CRYBG1: variants seen among roughly 807,000 people sequenced by gnomAD.
CRYBG1 encodes the protein beta/gamma crystallin domain-containing protein 1.
CRYBG1 carries 139 observed loss-of-function variants against 189.2 expected under a neutral mutation model. The ratio of observed to expected loss-of-function variants is 0.73; its 90% confidence interval spans 0.64 to 0.85. CRYBG1 has a LOEUF of 0.85. CRYBG1 is among the 40% of genes least tolerant of loss of function. The probability of loss-of-function intolerance (pLI) is 0.00; values close to 1 mark genes in which losing one functional copy is unlikely to be tolerated. For missense variants in CRYBG1, 2,611 were observed against 2,675.8 expected, an observed-to-expected ratio of 0.98 and a Z score of 0.53; for synonymous variants, 1,023 against 1,017.1, an observed-to-expected ratio of 1.01 and a Z score of -0.11.
At chr6:106,557,074 A>AT (rs1261031053) in intron 17 of CRYBG1, among the ~76,000 whole-genome samples, 2 of 152,230 alleles carry the variant, frequency 1.3e-5, no homozygotes, top group Admixed American at 1.3e-4. Context: ...TGAAGACTAC[A>AT]TATCTTTGTG....
rs140770474 is a variant in CRYBG1, at chr6:106,502,750, T to C, written c.313-8680T>C. Among the ~76,000 whole-genome samples the C allele has an allele frequency of 1.6e-4, 24 of 152,254 alleles. No individual in the cohort carries two copies. In the East Asian group the frequency reaches 4.1e-3, roughly 26 times the overall value. Reference sequence around the variant, plus strand: ...GGAAACATATAGCACACTCAAGTTGTGTAATTAAGGAAAGTAGTGAAGGAC... The same window carrying C: ...GGAAACATATAGCACACTCAAGTTGCGTAATTAAGGAAAGTAGTGAAGGAC... On this transcript the variant is annotated intron_variant, in intron 2 of 21. Coordinates refer to ENST00000633556, the MANE Select transcript of CRYBG1 (RefSeq NM_001371242.2).
At position 106,539,471 on chromosome 6, in the gene CRYBG1, A is replaced by T; in HGVS notation, c.4787A>T (p.Asp1596Val). ...PFILEPGEYP[D>V]LSFWDTEEAY... ...ATCCTGGAACCTGGTGAATACCCTG[A>T]CTTGTCCTTCTGGGATACAGAAGAA... is the stretch of plus-strand genomic sequence containing the variant. Residue 1596 changes from aspartate (D) to valine (V), a missense_variant, in exon 9 of 22, where the codon GAC (aspartate) becomes GTC (valine). Transcript: ENST00000633556. The T allele has an allele frequency of 6.2e-7, 1 of 1,613,926 alleles. No individual in the cohort carries two copies. The highest frequency in any genetic ancestry group is 8.5e-7 in the Non-Finnish European group (1 of 1,179,908).
chr6:106,557,561 C>T (rs1386680125), intron 17 of CRYBG1, among the ~76,000 whole-genome samples: 3 of 152,148 alleles, frequency 2.0e-5, no homozygotes, highest in Non-Finnish European at 2.9e-5. Context: ...CAAGCATGCA[C>T]CACCATGCCC....
chr6:106,488,217 G>A (rs894646145), intron 2 of CRYBG1, among the ~76,000 whole-genome samples: 1 of 152,110 alleles, frequency 6.6e-6, no homozygotes, highest in African/African-American at 2.4e-5. Flanking sequence ...CAGATTATGT[G>A]GTGGGCTCTC....
rs535857987 is a variant in CRYBG1, at chr6:106,470,544, C to A, written c.312+18712C>A. Among the ~76,000 whole-genome samples the A allele has an allele frequency of 6.7e-4, 102 of 152,052 alleles. No individual in the cohort carries two copies. The Middle Eastern group carries it at 0.014, about 20-fold the overall frequency. On this transcript the variant is annotated intron_variant, in intron 2 of 21. Coordinates refer to ENST00000633556, the MANE Select transcript of CRYBG1 (RefSeq NM_001371242.2). ...CCAATATTGCACCACTGCATTCCAG[C>A]CTGGGTGACAGAGCAAGGCTTCATC...
intron 2 of CRYBG1, among the ~76,000 whole-genome samples, chr6:106,490,388 A>G (rs1483461801): frequency 6.6e-6 from 1 of 152,256 alleles, no homozygotes; most frequent in Non-Finnish European, 1.5e-5. Flanking sequence ...AGGCTATGAA[A>G]GAGGAACTAA....
At chr6:106,507,517 G>T (rs1420290300) in intron 2 of CRYBG1, among the ~76,000 whole-genome samples, 2 of 152,142 alleles carry the variant, frequency 1.3e-5, no homozygotes, top group African/African-American at 4.8e-5. Context: ...AAACTTGATG[G>T]TCACTCATGG....
chr6:106,375,553 A>G (rs1026222643), intron 1 of CRYBG1, among the ~76,000 whole-genome samples: 1 of 152,170 alleles, frequency 6.6e-6, no homozygotes, highest in East Asian at 1.9e-4. Context: ...TGTTCATCTC[A>G]TGAGTCGGAT....
At chr6:106,406,837 C>T (rs963490349) in intron 1 of CRYBG1, among the ~76,000 whole-genome samples, 11 of 152,084 alleles carry the variant, frequency 7.2e-5, no homozygotes, top group South Asian at 4.1e-4. Flanking sequence ...AAGCAAATGC[C>T]GAGATATTTT....
At chr6:106,390,355 T>A (rs937833711) in intron 1 of CRYBG1, among the ~76,000 whole-genome samples, 2 of 152,112 alleles carry the variant, frequency 1.3e-5, no homozygotes, top group Non-Finnish European at 2.9e-5. Context: ...AGCAGTGACA[T>A]GTTATAATAA....
At chr6:106,416,599 T>C (rs1341043833) in intron 1 of CRYBG1, among the ~76,000 whole-genome samples, 1 of 152,262 alleles carries the variant, frequency 6.6e-6, no homozygotes, top group East Asian at 1.9e-4. Context: ...AATGTAGAGC[T>C]TTGGCTGAAA....
rs758138078 is a variant in CRYBG1 at position 106,512,561 on chromosome 6, G to T, written c.1444G>T (p.Ala482Ser). The change falls in exon 3 of 22, where the codon GCG (alanine) becomes TCG (serine). Residue 482 changes from alanine (A) to serine (S), a missense_variant. This residue lies in a region of CRYBG1 where 985 missense variants were observed against 924.4 expected (regional missense o/e 1.07). Coordinates refer to ENST00000633556, the MANE Select transcript of CRYBG1 (RefSeq NM_001371242.2). ...CCTCGACGGGGGCGTTGCCTCCGCT[G>T]CGAGCCCAGAGTCCAAGCCCAGCCC... Reference protein sequence around the residue: ...AALDGGVASAASPESKPSPGT... With the variant: ...AALDGGVASASSPESKPSPGT... 3.1e-6 allele frequency: 5 copies of T among 1,607,316 alleles called. No individual in the cohort carries two copies. In the Admixed American group the frequency reaches 6.7e-5, roughly 22 times the overall value.
intron 1 of CRYBG1, among the ~76,000 whole-genome samples, chr6:106,367,873 G>T (rs1769906868): frequency 6.6e-6 from 1 of 151,748 alleles, no homozygotes; most frequent in Admixed American, 6.6e-5. Context: ...AGGCTGAAGT[G>T]GGAGGATCAT....
At chr6:106,517,241 G>A (rs1293170917) in intron 3 of CRYBG1, among the ~76,000 whole-genome samples, 1 of 148,306 alleles carries the variant, frequency 6.7e-6, no homozygotes, top group Non-Finnish European at 1.5e-5. Flanking sequence ...GAACCCCTTG[G>A]CTCAAGCAAT....
intron 21 of CRYBG1, among the ~76,000 whole-genome samples, chr6:106,564,362 G>A (rs1268218258): frequency 6.6e-6 from 1 of 152,224 alleles, no homozygotes; most frequent in African/African-American, 2.4e-5. Flanking sequence ...TAGAGTTGAT[G>A]ATTCTCATGT....
At chr6:106,487,549 G>A (rs1025814604) in intron 2 of CRYBG1, among the ~76,000 whole-genome samples, 4 of 151,978 alleles carry the variant, frequency 2.6e-5, no homozygotes, top group Admixed American at 1.3e-4. Context: ...AGCTCTCAAT[G>A]GTATTTTTTA....
At chr6:106,459,489 C>G (rs763660031) in intron 2 of CRYBG1, among the ~76,000 whole-genome samples, 1 of 149,944 alleles carries the variant, frequency 6.7e-6, no homozygotes, top group Non-Finnish European at 1.5e-5. Context: ...GTATGCCTCT[C>G]AGGGTAAGGA....
intron 1 of CRYBG1, among the ~76,000 whole-genome samples, chr6:106,423,596 G>A (rs1199166504): frequency 6.6e-6 from 1 of 150,992 alleles, no homozygotes; most frequent in Admixed American, 6.6e-5. Flanking sequence ...CAGTTGAACT[G>A]TGGAGGTACT....
At chr6:106,429,029 T>C (rs1771277741) in intron 1 of CRYBG1, among the ~76,000 whole-genome samples, 1 of 152,250 alleles carries the variant, frequency 6.6e-6, no homozygotes, top group Non-Finnish European at 1.5e-5. Flanking sequence ...AACTTCTCTT[T>C]ATGGAGATTT....
Sources: allele counts gnomAD v4.1 joint callset (sites outside exome capture counted in the v4.1 genomes callset), GRCh38; gene constraint gnomAD v4.1.1; regional missense constraint gnomAD v4.1.1; transcripts MANE v1.5; gene names NCBI Gene and HGNC (gene_info 2026-07-23, HGNC 2026-07-21).